Variants in UBP1 observed in about 807,000 individuals in gnomAD.
UBP1 encodes the protein upstream binding protein 1, also known as upstream-binding protein 1.
In UBP1, 22 loss-of-function variants were observed where a neutral mutation model predicts 76.1. The observed-to-expected ratio is 0.29, with a 90% confidence interval of 0.21 to 0.41. UBP1 has a LOEUF of 0.41. Among genes scored for constraint, UBP1 ranks in the 10% least tolerant of loss-of-function variants. The pLI, the probability that UBP1 is intolerant of heterozygous loss-of-function variation, is 1.00. For synonymous variants in UBP1, 224 were observed against 237.1 expected, an observed-to-expected ratio of 0.94 and a Z score of 0.51; for missense variants, 436 against 668.1, an observed-to-expected ratio of 0.65 and a Z score of 3.83.
rs181692115 is a variant in UBP1 at position 33,427,172 on chromosome 3, C to G, written c.114-1431G>C. On this transcript the variant is annotated intron_variant, in intron 1 of 15. Transcript: ENST00000283629. ...TAGAGACAGGGTTTCGCCATGTAGG[C>G]CAGACTAGTCTCAAACTCCTGGCCT... Among the ~76,000 whole-genome samples the G allele has an allele frequency of 2.1e-3, 326 of 152,300 alleles. 1 individual carries two copies. Among genetic ancestry groups the G allele is most frequent in the Non-Finnish European group, 3.9e-3 (262 of 68,024 alleles).
rs1371606506 is a variant in UBP1 at position 33,422,867 on chromosome 3, G to A, written c.265+2723C>T. Among the ~76,000 whole-genome samples, 19 of 152,040 alleles carry A rather than the reference G, an allele frequency of 1.2e-4. 1 individual carries two copies. ...TTAAAAACTTGTTTAAGGATTCATG[G>A]AAAATTTTGGGTTTAAAACTTTTTG... On this transcript the variant is annotated intron_variant, in intron 2 of 15. Transcript: ENST00000283629.
chr3:33,403,244 G>C (rs1222640567), intron 8 of UBP1: 2 of 242,996 alleles, frequency 8.2e-6, no homozygotes, highest in African/African-American at 4.7e-5. Flanking sequence ...TTTCCCAACA[G>C]GCACCTATCA....
At chr3:33,419,765 C>T (rs568347605) in intron 2 of UBP1, among the ~76,000 whole-genome samples, 5 of 152,242 alleles carry the variant, frequency 3.3e-5, no homozygotes, top group African/African-American at 4.8e-5. Flanking sequence ...TTAGAAATTT[C>T]CTAATTTGTC....
chr3:33,430,698 G>T (rs773723311), intron 1 of UBP1, among the ~76,000 whole-genome samples: 1 of 152,162 alleles, frequency 6.6e-6, no homozygotes, highest in Non-Finnish European at 1.5e-5. Flanking sequence ...GCGGAAAATT[G>T]AAAGAGCGGG....
At chr3:33,410,802 T>G (rs2044562209) in intron 5 of UBP1, among the ~76,000 whole-genome samples, 1 of 152,180 alleles carries the variant, frequency 6.6e-6, no homozygotes, top group Non-Finnish European at 1.5e-5. Context: ...CTGGGCACAG[T>G]GGCTCACACC....
intron 3 of UBP1, among the ~76,000 whole-genome samples, chr3:33,416,368 T>C (rs2044729303): frequency 6.6e-6 from 1 of 152,190 alleles, no homozygotes; most frequent in African/African-American, 2.4e-5. Context: ...TTCATTCAGA[T>C]ACATGAGTAG....
Position 33,439,934 on chromosome 3 carries a change from G to A in UBP1, c.-86C>T, listed in dbSNP as rs906357993. The A allele has an allele frequency of 8.8e-6, 13 of 1,483,890 alleles. No individual in the cohort carries two copies. Among genetic ancestry groups the A allele is most frequent in the African/African-American group, 1.4e-5 (1 of 69,614 alleles). The allele number at this position is 1,483,890 out of a possible 1,614,324, so 91.9% of individuals were successfully genotyped here. ...AGCTCCGCTGGCGCGTCCTGGGGGA[G>A]GGCGCGGGTGAAGCCTCCGGAGGGG... On this transcript the variant is annotated 5_prime_UTR_variant, in exon 1 of 16. Transcript: ENST00000283629.
At chr3:33,407,298 C>T (rs1292588440) in intron 8 of UBP1, among the ~76,000 whole-genome samples, 1 of 152,128 alleles carries the variant, frequency 6.6e-6, no homozygotes, top group Non-Finnish European at 1.5e-5. Context: ...TTCCCATCTT[C>T]AGATTACCTC....
At chr3:33,432,892 C>T (rs1326282948) in intron 1 of UBP1, among the ~76,000 whole-genome samples, 1 of 152,088 alleles carries the variant, frequency 6.6e-6, no homozygotes, top group Non-Finnish European at 1.5e-5. Context: ...GTAGGAGAAG[C>T]TGGGTGAAGG....
intron 1 of UBP1, among the ~76,000 whole-genome samples, chr3:33,433,365 TA>T (rs1170395728): frequency 0.12 from 13,833 of 112,360 alleles, 1,600 homozygotes; most frequent in African/African-American, 0.33. Flanking sequence ...ACCCAGCCTT[TA>T]AAAAAAAAAA....
At chr3:33,403,186 G>T in intron 8 of UBP1, 1 of 310,204 alleles carries the variant, frequency 3.2e-6, no homozygotes, top group Non-Finnish European at 6.1e-6. Flanking sequence ...AAGTATAATT[G>T]CTTTGAAGAG....
intron 1 of UBP1, among the ~76,000 whole-genome samples, chr3:33,428,536 T>A (rs1289548279): frequency 6.6e-6 from 1 of 152,122 alleles, no homozygotes; most frequent in Non-Finnish European, 1.5e-5. Context: ...AGACAACCAC[T>A]TTTTTATTCA....
At chr3:33,412,288 G>A (rs1022039957) in intron 4 of UBP1, among the ~76,000 whole-genome samples, 2 of 151,068 alleles carry the variant, frequency 1.3e-5, no homozygotes, top group African/African-American at 2.4e-5. Context: ...GCTACTTGAC[G>A]TTTTAACTAT....
intron 1 of UBP1, among the ~76,000 whole-genome samples, chr3:33,427,416 C>T (rs1009326341): frequency 6.6e-6 from 1 of 152,148 alleles, no homozygotes; most frequent in Non-Finnish European, 1.5e-5. Flanking sequence ...TATACTCATT[C>T]TTCAATAAAA....
chr3:33,412,378 T>C (rs531276008), intron 4 of UBP1, among the ~76,000 whole-genome samples: 7 of 151,600 alleles, frequency 4.6e-5, no homozygotes, highest in African/African-American at 9.7e-5. Flanking sequence ...TACATACATA[T>C]ATATGTATGT....
chr3:33,429,264 T>TGA (rs2045073281), intron 1 of UBP1, among the ~76,000 whole-genome samples: 1 of 152,182 alleles, frequency 6.6e-6, no homozygotes, highest in South Asian at 2.1e-4. Flanking sequence ...CCTAAAACCT[T>TGA]GATGGTTTTT....
chr3:33,435,666 C>T (rs1337796129), intron 1 of UBP1, among the ~76,000 whole-genome samples: 1 of 152,172 alleles, frequency 6.6e-6, no homozygotes, highest in African/African-American at 2.4e-5. Context: ...ACCTAACCTA[C>T]TGAACATCAT....
chr3:33,421,496 T>G (rs971484656), intron 2 of UBP1, among the ~76,000 whole-genome samples: 2 of 152,058 alleles, frequency 1.3e-5, no homozygotes, highest in Non-Finnish European at 2.9e-5. Context: ...TCTCGAACTC[T>G]TAACCTCACG....
intron 5 of UBP1, among the ~76,000 whole-genome samples, chr3:33,410,619 G>A (rs2044556954): frequency 6.6e-6 from 1 of 152,108 alleles, no homozygotes; most frequent in Non-Finnish European, 1.5e-5. Context: ...TACCTACCTG[G>A]TAGTTTAAAT....
Sources: gnomAD v4.1 joint callset for allele counts (sites outside exome capture counted in the v4.1 genomes callset) on GRCh38, gnomAD v4.1.1 for gene constraint, MANE v1.5 for transcripts, NCBI Gene and HGNC (gene_info 2026-07-23, HGNC 2026-07-21) for gene names.